NOP9: variants seen among roughly 807,000 people sequenced by gnomAD.
NOP9 encodes NOP9 nucleolar protein, also known as nucleolar protein 9.
Under a neutral mutation model 63.0 loss-of-function variants are expected in NOP9, and 50 were observed. The ratio of observed to expected loss-of-function variants is 0.79; its 90% CI spans 0.63 to 1.00. The LOEUF is 1.00. NOP9 is among the 50% of genes least tolerant of loss of function. The probability of loss-of-function intolerance (pLI) is 0.00; values close to 1 mark genes in which losing one functional copy is unlikely to be tolerated. For missense variants in NOP9, 758 were observed against 803.0 expected (o/e 0.94, Z 0.68); for synonymous variants, 343 against 332.8 (o/e 1.03, Z -0.33).
At chr14:24,286,500 C>T in the NOP9 span, among the ~76,000 whole-genome samples, 73 of 152,330 alleles carry the variant, frequency 4.8e-4, no homozygotes, top group Middle Eastern at 6.8e-3. Flanking sequence ...TGTTAATGCT[C>T]GGCCCAGATC....
chr14:24,300,787 T>C lies in NOP9; in HGVS notation c.627T>C (p.Thr209=), dbSNP rs548022206. ...CACATGGCAGCTTCGTGGTCAGAAC[T>C]CTGCTTCAGGTGTTAGGAGGGACTA... is the stretch of plus-strand genomic sequence containing the variant. The part of the protein sequence containing the change: ...GDTHGSFVVR[T]LLQVLGGTIL... Residue 209 remains threonine, a synonymous_variant, in exon 2 of 10, where the codon ACT becomes ACC. Coordinates refer to ENST00000267425, the MANE Select transcript of NOP9 (RefSeq NM_174913.3). The C allele has an allele frequency of 6.2e-7, 1 of 1,614,236 alleles. No individual in the cohort carries two copies. Among genetic ancestry groups the C allele is most frequent in the Non-Finnish European group, 8.5e-7 (1 of 1,180,044 alleles).
upstream of NOP9, chr14:24,298,738 C>T: frequency 5.5e-6 from 3 of 547,400 alleles, no homozygotes; most frequent in African/African-American, 1.9e-5. Context: ...TGCCACCATG[C>T]CTGGCTCAAA....
Position 24,300,749 on chromosome 14 carries a change from T to C in NOP9, c.589T>C (p.Tyr197His), listed in dbSNP as rs1391869380. ...TGAGGTGTGTGATGATTTTCTTGTCTACTGTGGAGACACACATGGCAGCTT... is the reference window on the plus strand; with the variant it reads ...TGAGGTGTGTGATGATTTTCTTGTCCACTGTGGAGACACACATGGCAGCTT... ...AAEVCDDFLV[Y>H]CGDTHGSFVV... Residue 197 changes from tyrosine (Y) to histidine (H), a missense_variant, in exon 2 of 10, where the codon TAC becomes CAC. Coordinates refer to ENST00000267425, the MANE Select transcript of NOP9 (RefSeq NM_174913.3). 2 of 1,614,076 alleles carry C rather than the reference T, an allele frequency of 1.2e-6. No homozygotes were observed. The highest frequency in any genetic ancestry group is 1.3e-5 in the African/African-American group (1 of 74,930).
At chr14:24,290,967 C>A in the NOP9 span, 2 of 1,614,094 alleles carry the variant, frequency 1.2e-6, no homozygotes, top group East Asian at 2.2e-5. Flanking sequence ...GAACAGAGCT[C>A]AAAGACAAAT....
rs746731632 is a variant in NOP9, at chr14:24,300,126, A to T, written c.172A>T (p.Ser58Cys). The T allele has an allele frequency of 2.5e-6, 4 of 1,613,602 alleles. No individual in the cohort carries two copies. The highest frequency in any genetic ancestry group is 1.3e-5 in the African/African-American group (1 of 74,926). The change falls in exon 1 of 10, where the codon AGC (serine) becomes TGC (cysteine). Residue 58 changes from serine (S) to cysteine (C), a missense_variant. Physicochemically the swap from Ser to Cys is moderately radical, Grantham distance 112. Transcript: ENST00000267425. ...EPAPDSHPHL[S>C]PEALGYFRRA... ...GGCTCCAGATTCGCACCCGCACCTG[A>T]GCCCGGAAGCTCTGGGATATTTCCG... is the stretch of plus-strand genomic sequence containing the variant.
chr14:24,292,401 C>T, the NOP9 span: 1 of 1,594,236 alleles, frequency 6.3e-7, no homozygotes. Flanking sequence ...CTCTCTGCTT[C>T]TACTGTGAAT....
At chr14:24,272,540 T>C in the NOP9 span, among the ~76,000 whole-genome samples, 1 of 152,250 alleles carries the variant, frequency 6.6e-6, no homozygotes, top group African/African-American at 2.4e-5. Flanking sequence ...GTCTTTTCAG[T>C]GTTCTCCACC....
Position 24,303,122 on chromosome 14 carries a change from G to A in NOP9, c.1192G>A (p.Ala398Thr). 1 of 1,609,168 alleles carries A rather than the reference G, an allele frequency of 6.2e-7. No individual in the cohort carries two copies. The change falls in exon 6 of 10, where the codon GCC (alanine) becomes ACC (threonine). Residue 398 changes from alanine (A) to threonine (T), a missense_variant. Ala to Thr is a moderately conservative substitution (Grantham distance 58). Transcript: ENST00000267425. ...ELSPVLEAVL[A>T]QGHPGVVIAL... ...GAGCCCTGTCTTGGAAGCTGTATTG[G>A]CCCAGGGCCACCCAGGGGTAGTCAT... is the stretch of plus-strand genomic sequence containing the variant.
the NOP9 span, chr14:24,271,868 C>T: frequency 6.6e-6 from 1 of 152,222 alleles, no homozygotes; most frequent in Non-Finnish European, 1.5e-5. Flanking sequence ...CACCGACAGC[C>T]TTCTAGATGT....
chr14:24,277,726 G>T, the NOP9 span, among the ~76,000 whole-genome samples: 1 of 152,194 alleles, frequency 6.6e-6, no homozygotes, highest in East Asian at 1.9e-4. Flanking sequence ...TGCCCACCAT[G>T]CTTTGCTGGA....
At chr14:24,297,029 C>T (rs138510690), upstream of NOP9, 200 of 1,045,180 alleles carry the variant, frequency 1.9e-4, no homozygotes, top group East Asian at 5.1e-3. Context: ...CAACGCTGCC[C>T]TCTGGTGTCT....
chr14:24,271,970 G>A, the NOP9 span, among the ~76,000 whole-genome samples: 3 of 151,870 alleles, frequency 2.0e-5, no homozygotes, highest in East Asian at 5.8e-4. Flanking sequence ...CCCCATTCTG[G>A]CTTCTCCTCC....
chr14:24,271,686 C>G, the NOP9 span: 1 of 152,460 alleles, frequency 6.6e-6, no homozygotes, highest in African/African-American at 2.4e-5. Flanking sequence ...ACGCCTCGTA[C>G]CTGTTAGCCA....
chr14:24,300,833 A>T lies in NOP9; in HGVS notation c.673A>T (p.Arg225Trp), dbSNP rs73589696. 6.4e-3 allele frequency: 10,357 copies of T among 1,613,592 alleles called. 600 individuals are homozygous for T. The African/African-American group carries it at 0.12, about 19-fold the overall frequency. The change falls in exon 2 of 10, where the codon AGG becomes TGG. Residue 225 changes from arginine (R) to tryptophan (W), a missense_variant. By Grantham distance (101) the Arg-to-Trp change is moderately radical (BLOSUM62 -3). Transcript: ENST00000267425. Reference protein sequence around the residue: ...GGTILESERARPRGSQSSEAQ... With the variant: ...GGTILESERAWPRGSQSSEAQ... ...GACTATTCTGGAGTCTGAGAGAGCC[A>T]GGCCCCGTGGTTCCCAATCATCTGG...
rs541575858 is a variant in NOP9, at chr14:24,301,953, C to T, written c.809-12C>T. ...TTGGGAAAGCCGCTTTATTTCTGCCCTCTCTCCACAGTGTTTATCACTGAT... is the reference window on the plus strand; with the variant it reads ...TTGGGAAAGCCGCTTTATTTCTGCCTTCTCTCCACAGTGTTTATCACTGAT... On this transcript the variant is annotated splice_polypyrimidine_tract_variant and intron_variant, in intron 3 of 9. Coordinates refer to ENST00000267425, the MANE Select transcript of NOP9 (RefSeq NM_174913.3). 4 of 1,600,070 alleles carry T rather than the reference C, an allele frequency of 2.5e-6. No individual in the cohort carries two copies. The African/African-American group carries it at 4.0e-5, about 16-fold the overall frequency.
Position 24,304,159 on chromosome 14 carries a change from C to A in NOP9, c.1529C>A (p.Thr510Lys). ...GLVLRSLGALTGPQLLSLAQS... is the reference protein window; with the variant it reads ...GLVLRSLGALKGPQLLSLAQS... ...GTACTTCGAAGTCTGGGTGCCTTGA[C>A]GGGACCACAGCTTCTGTCCCTTGCC... The change falls in exon 8 of 10, where the codon ACG becomes AAG. Residue 510 changes from threonine to lysine, a missense_variant. Coordinates refer to ENST00000267425, the MANE Select transcript of NOP9 (RefSeq NM_174913.3). The A allele has an allele frequency of 6.2e-7, 1 of 1,614,218 alleles. No individual in the cohort carries two copies. The highest frequency in any genetic ancestry group is 1.3e-5 in the African/African-American group (1 of 75,060).
At chr14:24,284,261 A>G in the NOP9 span, among the ~76,000 whole-genome samples, 1 of 152,160 alleles carries the variant, frequency 6.6e-6, no homozygotes, top group Non-Finnish European at 1.5e-5. Flanking sequence ...GGGTCTTGCC[A>G]TTGTTGCCTA....
upstream of NOP9, among the ~76,000 whole-genome samples, chr14:24,295,139 G>C (rs1218226407): frequency 6.6e-6 from 1 of 152,098 alleles, no homozygotes; most frequent in Admixed American, 6.6e-5. Context: ...AGAAATAAAT[G>C]ATCATACATC....
chr14:24,297,018 G>A, upstream of NOP9: 1 of 1,166,648 alleles, frequency 8.6e-7, no homozygotes, highest in Admixed American at 2.1e-5. Flanking sequence ...AACATGGCAG[G>A]CAACGCTGCC....
Sources: allele counts gnomAD v4.1 joint callset (sites outside exome capture counted in the v4.1 genomes callset), GRCh38; gene constraint gnomAD v4.1.1; transcripts MANE v1.5; gene names NCBI Gene and HGNC (gene_info 2026-07-23, HGNC 2026-07-21).